ADGRB2: variants seen among roughly 807,000 people sequenced by gnomAD.
The protein encoded by ADGRB2 is adhesion G protein-coupled receptor B2.
ADGRB2 carries 47 observed loss-of-function variants against 178.7 expected under a neutral mutation model. The observed-to-expected ratio is 0.26, with a 90% CI of 0.21 to 0.34. The LOEUF (loss-of-function observed/expected upper bound fraction) is 0.34. ADGRB2 is among the 10% of genes least tolerant of loss of function. The pLI is 1.00. For synonymous variants in ADGRB2, 870 were observed against 912.4 expected (o/e 0.95, Z 0.84); for missense variants, 1,584 against 2,180.8 (o/e 0.73, Z 5.45).
chr1:31,751,632 A>G (rs572355964), intron 4 of ADGRB2, among the ~76,000 whole-genome samples: 1 of 152,280 alleles, frequency 6.6e-6, no homozygotes, highest in Non-Finnish European at 1.5e-5. Flanking sequence ...TTCTTTGGTT[A>G]TCTTCTATTT....
intron 7 of ADGRB2, 28 bp from the exon 8 acceptor site, chr1:31,742,245 G>A: frequency 6.4e-7 from 1 of 1,571,334 alleles, no homozygotes; most frequent in Non-Finnish European, 8.7e-7. Context: ...AGCAGGGGTG[G>A]CTGTTGAGCA....
intron 1 of ADGRB2, 120 bp downstream of exon 1, chr1:31,763,764 G>C: frequency 1.0e-6 from 1 of 980,762 alleles, no homozygotes; most frequent in Non-Finnish European, 1.2e-6. Flanking sequence ...TCGGGCTGGG[G>C]GAGAATTCAG....
rs1362660052 is a variant in ADGRB2 at position 31,740,877 on chromosome 1, A to ATG, written c.1795-338_1795-337dup. ...ATGTACATTCTGGAGTGTAATGAGC[A>ATG]TGTGTGTGGGCGCGCGCGCACACAC... On this transcript the variant is annotated intron_variant, in intron 11 of 32. Transcript: ENST00000373658. The surrounding 1 kb of genome is among the most constrained non-coding windows in gnomAD (Gnocchi z 5.9). Among the ~76,000 whole-genome samples, 3 of 132,154 alleles carry ATG rather than the reference A, an allele frequency of 2.3e-5. No individual in the cohort carries two copies. Among genetic ancestry groups the ATG allele is most frequent in the Non-Finnish European group, 4.9e-5 (3 of 61,150 alleles). The allele number at this position is 132,154 out of a possible 152,430, so 86.7% of individuals were successfully genotyped here.
In ADGRB2 at chr1:31,744,348, G is replaced by A. The variant is rs200047367; in HGVS notation, c.932C>T (p.Ala311Val). The A allele has an allele frequency of 5.1e-4, 784 of 1,550,170 alleles. 7 individuals carry two copies. Among genetic ancestry groups the A allele is most frequent in the Admixed American group, 2.6e-4 (13 of 50,714 alleles). ...GCTCCACGGGGACCACTCCTCAGCC[G>A]CCGGGTCGCCTACGAGAGAGGGACA... ...GLYMAQTGDP[A>V]AEEWSPWSVC... is the part of the protein sequence containing the mutation. The change falls in exon 6 of 33, where the codon GCG becomes GTG. Residue 311 changes from alanine (A) to valine (V), a missense_variant. Physicochemically the swap from Ala to Val is moderately conservative, Grantham distance 64. This residue lies in a region of ADGRB2 where 657 missense variants were observed against 847.6 expected (regional missense o/e 0.78). Coordinates refer to ENST00000373658, the MANE Select transcript of ADGRB2 (RefSeq NM_001364857.2). This position sits in a 1 kb window ranked among gnomAD's most constrained non-coding sequence, Gnocchi z 6.7.
Position 31,741,708 on chromosome 1 carries a change from T to C in ADGRB2, c.1603A>G (p.Arg535Gly), listed in dbSNP as rs778042790. 3 of 1,613,798 alleles carry C rather than the reference T, an allele frequency of 1.9e-6. No homozygotes were observed. The highest frequency in any genetic ancestry group is 2.5e-6 in the Non-Finnish European group (3 of 1,179,762). ...GTCATCAGCATCACGTACTCATCCCTGCACATCTCATGGAAGGCTGTGGGT... is the reference window on the plus strand; with the variant it reads ...GTCATCAGCATCACGTACTCATCCCCGCACATCTCATGGAAGGCTGTGGGT... ...KRCPAFHEMCRDEYVMLMTWK... is the reference protein window; with the variant it reads ...KRCPAFHEMCGDEYVMLMTWK... The change falls in exon 10 of 33, where the codon AGG becomes GGG. Residue 535 changes from arginine (R) to glycine (G), a missense_variant. Physicochemically the swap from Arg to Gly is moderately radical, Grantham distance 125 (BLOSUM62 -2). Around this residue, in one of 3 missense-constraint regions of ADGRB2, gnomAD observed 657 missense variants for 847.6 expected, o/e 0.78. Coordinates refer to ENST00000373658, the MANE Select transcript of ADGRB2 (RefSeq NM_001364857.2). This position sits in a 1 kb window ranked among gnomAD's most constrained non-coding sequence, Gnocchi z 6.5.
Position 31,727,819 on chromosome 1 carries a change from C to G in ADGRB2, c.4572+206G>C. On this transcript the variant is annotated intron_variant, in intron 32 of 32. Transcript: ENST00000373658. This position sits in a 1 kb window ranked among gnomAD's most constrained non-coding sequence, Gnocchi z 4.4. Reference sequence around the variant, plus strand: ...CCCCCAGGACATGTCTCCTGCTGACCACTCTCCCTCCCAATCCTGGAGGAC... The same window carrying G: ...CCCCCAGGACATGTCTCCTGCTGACGACTCTCCCTCCCAATCCTGGAGGAC... 1 of 863,448 alleles carries G rather than the reference C, an allele frequency of 1.2e-6. No homozygotes were observed. Among genetic ancestry groups the G allele is most frequent in the Non-Finnish European group, 1.7e-6 (1 of 579,302 alleles). The allele number at this position is 863,448 out of a possible 1,614,324, so 53.5% of individuals were successfully genotyped here.
chr1:31,732,532 C>T lies in ADGRB2; in HGVS notation c.3705G>A (p.Gly1235=), dbSNP rs758687411. ...SEDSPDSCKN[G]QLQILSDFEK... ...CCTAACTCACCAGGATCTGCAGCTG[C>T]CCGTTCTTACACGAGTCAGGGGAGT... is the stretch of plus-strand genomic sequence containing the variant. Residue 1235 remains glycine, a synonymous_variant, in exon 27 of 33, where the codon GGG becomes GGA. Transcript: ENST00000373658. The T allele has an allele frequency of 3.7e-6, 6 of 1,614,184 alleles. No individual in the cohort carries two copies. The Admixed American group carries it at 1.0e-4, about 27-fold the overall frequency.
chr1:31,732,496 C>A (rs1645342402), intron 27 of ADGRB2, 21 bp downstream of exon 27: 1 of 1,613,600 alleles, frequency 6.2e-7, no homozygotes, highest in Non-Finnish European at 8.5e-7. Flanking sequence ...TGCCCAGGCC[C>A]TGCCCAGGCC....
intron 4 of ADGRB2, among the ~76,000 whole-genome samples, chr1:31,749,684 G>A (rs1646459972): frequency 6.6e-6 from 1 of 152,240 alleles, no homozygotes; most frequent in Non-Finnish European, 1.5e-5. Flanking sequence ...AGCCGAGGAG[G>A]GCGGATCGTT....
At chr1:31,757,180 C>T in intron 3 of ADGRB2, 21 bp downstream of exon 3, 1 of 1,614,162 alleles carries the variant, frequency 6.2e-7, no homozygotes. Context: ...GCCTTGCATT[C>T]AGATCCAGCC....
intron 25 of ADGRB2, among the ~76,000 whole-genome samples, chr1:31,734,515 G>T (rs1207231198): frequency 1.3e-5 from 2 of 152,254 alleles, no homozygotes; most frequent in East Asian, 3.8e-4. Flanking sequence ...GACCCTGCAG[G>T]TGTGCAAGAT....
rs533235753 is a variant in ADGRB2, at chr1:31,736,609, G to A, written c.3094C>T (p.Arg1032Cys). 24 of 1,614,148 alleles carry A rather than the reference G, an allele frequency of 1.5e-5. No individual in the cohort carries two copies. Among genetic ancestry groups the A allele is most frequent in the South Asian group, 7.7e-5 (7 of 91,082 alleles). Reference sequence around the variant, plus strand: ...CAGAGGAAGCGCTTGCGAACGAGGCGGGTGCGCATCCGCCCAATGACAGCC... The same window carrying A: ...CAGAGGAAGCGCTTGCGAACGAGGCAGGTGCGCATCCGCCCAATGACAGCC... ...YLAVIGRMRTRLVRKRFLCLG... is the reference protein window; with the variant it reads ...YLAVIGRMRTCLVRKRFLCLG... Residue 1032 changes from arginine (R) to cysteine (C), a missense_variant, in exon 21 of 33, where the codon CGC (arginine) becomes TGC (cysteine). Transcript: ENST00000373658.
In ADGRB2 at chr1:31,744,424, G is replaced by A. The variant is rs1569944581; in HGVS notation, c.923-67C>T. The A allele has an allele frequency of 6.5e-7, 1 of 1,530,338 alleles. No homozygotes were observed. The highest frequency in any genetic ancestry group is 1.2e-5 in the South Asian group (1 of 82,900). The allele number at this position is 1,530,338 out of a possible 1,614,324, so 94.8% of individuals were successfully genotyped here. ...AAGCACTCAGTCTCATAGGGATAGG[G>A]GGAGTGGCAGTAAGGTGGGGGCAGG... On this transcript the variant is annotated intron_variant, in intron 5 of 32. Transcript: ENST00000373658. This position sits in a 1 kb window ranked among gnomAD's most constrained non-coding sequence, Gnocchi z 6.7.
chr1:31,744,560 G>C lies in ADGRB2; in HGVS notation c.922+88C>G. 6.6e-7 allele frequency: 1 copy of C among 1,515,378 alleles called. No homozygotes were observed. Among genetic ancestry groups the C allele is most frequent in the Non-Finnish European group, 9.0e-7 (1 of 1,108,228 alleles). 93.9% of individuals were successfully genotyped at this position (1,515,378 alleles called of 1,614,324 possible). Reference sequence around the variant, plus strand: ...AGACGCGACTGAACTGCAGGACAGAGACAGACAGGCACACACCAAGCACAC... The same window carrying C: ...AGACGCGACTGAACTGCAGGACAGACACAGACAGGCACACACCAAGCACAC... On this transcript the variant is annotated intron_variant, in intron 5 of 32. Coordinates refer to ENST00000373658, the MANE Select transcript of ADGRB2 (RefSeq NM_001364857.2). The surrounding 1 kb of genome is among the most constrained non-coding windows in gnomAD (Gnocchi z 6.7).
Position 31,732,505 on chromosome 1 carries a change from C to A in ADGRB2, c.3720+12G>T, listed in dbSNP as rs1185827282. On this transcript the variant is annotated intron_variant, in intron 27 of 32. Coordinates refer to ENST00000373658, the MANE Select transcript of ADGRB2 (RefSeq NM_001364857.2). ...AGAATCTGCCCAGGCCCTGCCCAGGCCCCTAACTCACCAGGATCTGCAGCT... is the reference window on the plus strand; with the variant it reads ...AGAATCTGCCCAGGCCCTGCCCAGGACCCTAACTCACCAGGATCTGCAGCT... The A allele has an allele frequency of 1.2e-6, 2 of 1,613,998 alleles. No homozygotes were observed. Among genetic ancestry groups the A allele is most frequent in the Non-Finnish European group, 1.7e-6 (2 of 1,179,946 alleles).
chr1:31,762,099 A>T (rs969766179), intron 1 of ADGRB2, among the ~76,000 whole-genome samples: 13 of 152,228 alleles, frequency 8.5e-5, no homozygotes, highest in Admixed American at 3.3e-4. Flanking sequence ...CAGATACCAG[A>T]TGGAACCTCA....
chr1:31,745,272 T>C (rs1312318577), intron 4 of ADGRB2, among the ~76,000 whole-genome samples: 1 of 152,084 alleles, frequency 6.6e-6, no homozygotes, highest in East Asian at 1.9e-4. Context: ...CAGTTCATGC[T>C]CCCCAAGCAG....
Position 31,731,364 on chromosome 1 carries a change from G to T in ADGRB2, c.3816C>A (p.Ser1272=). The T allele has an allele frequency of 6.2e-7, 1 of 1,612,438 alleles. No homozygotes were observed. The highest frequency in any genetic ancestry group is 1.3e-5 in the African/African-American group (1 of 75,054). The change falls in exon 29 of 33, where the codon TCC becomes TCA. Residue 1272 remains serine (S), a synonymous_variant. Coordinates refer to ENST00000373658, the MANE Select transcript of ADGRB2 (RefSeq NM_001364857.2). ...CNPSTITGTL[S]RLSLDEDEEP... is the part of the protein sequence containing the mutation. Reference sequence around the variant, plus strand: ...CCTCATCCTCATCCAGGGACAGGCGGGATAGTGTGCCCGTGATGGTGGACG... The same window carrying T: ...CCTCATCCTCATCCAGGGACAGGCGTGATAGTGTGCCCGTGATGGTGGACG...
At chr1:31,738,472 C>A in intron 17 of ADGRB2, 115 bp downstream of exon 17, 1 of 1,526,404 alleles carries the variant, frequency 6.6e-7, no homozygotes, top group Non-Finnish European at 8.9e-7. Flanking sequence ...CGTTCTTGAC[C>A]CCTTAGGCTA....
Sources: gnomAD v4.1 joint callset for allele counts (sites outside exome capture counted in the v4.1 genomes callset) on GRCh38, gnomAD v4.1.1 for gene constraint, gnomAD v4.1.1 regional missense constraint, Gnocchi (gnomAD v3.1) non-coding constraint, MANE v1.5 for transcripts, NCBI Gene and HGNC (gene_info 2026-07-23, HGNC 2026-07-21) for gene names.